Variants in PTPN14 observed in about 807,000 individuals in gnomAD.
PTPN14 encodes protein tyrosine phosphatase non-receptor type 14.
A neutral mutation model predicts 126.8 loss-of-function variants in PTPN14; 53 were observed. That is an observed-to-expected ratio of 0.42 (90% CI 0.34 to 0.53). PTPN14 has a LOEUF of 0.53. PTPN14 is among the 20% of genes least tolerant of loss of function. The pLI, the probability that PTPN14 is intolerant of heterozygous loss-of-function variation, is 0.08. For synonymous variants in PTPN14, 630 were observed against 599.3 expected, an observed-to-expected ratio of 1.05 and a Z score of -0.75; for missense variants, 1,257 against 1,552.9, an observed-to-expected ratio of 0.81 and a Z score of 3.20.
chr1:214,436,261 G>C (rs1188630827), intron 3 of PTPN14, among the ~76,000 whole-genome samples: 1 of 152,154 alleles, frequency 6.6e-6, no homozygotes, highest in Admixed American at 6.5e-5. Context: ...AGGGTGAGAG[G>C]AGGGTAAGGA....
At chr1:214,542,414 C>CA (rs1205282185) in intron 1 of PTPN14, among the ~76,000 whole-genome samples, 2 of 152,168 alleles carry the variant, frequency 1.3e-5, no homozygotes, top group African/African-American at 2.4e-5. Flanking sequence ...CGCGGGGGGG[C>CA]AGCCTCAGCC....
chr1:214,368,196 T>TTTTATTTATTTATTTATCTATTTA (rs1553258931), intron 17 of PTPN14, among the ~76,000 whole-genome samples: 123 of 146,322 alleles, frequency 8.4e-4, no homozygotes, highest in African/African-American at 2.7e-3. Context: ...TGTTATTCGT[T>TTTTATTTATTTATTTATCTATTTA]TTTATTTATT....
chr1:214,506,465 T>A (rs1654846397), intron 1 of PTPN14, among the ~76,000 whole-genome samples: 1 of 151,874 alleles, frequency 6.6e-6, no homozygotes, highest in African/African-American at 2.4e-5. Flanking sequence ...TGCAGTAAGT[T>A]GTGATGGTGC....
chr1:214,514,962 C>T (rs1044045922), intron 1 of PTPN14, among the ~76,000 whole-genome samples: 4 of 152,192 alleles, frequency 2.6e-5, no homozygotes, highest in Admixed American at 6.5e-5. Flanking sequence ...GGCAGCTCCC[C>T]TCCTGTAGCC....
Position 214,364,744 on chromosome 1 carries a change from G to T in PTPN14, c.3272-69C>A. On this transcript the variant is annotated intron_variant, in intron 17 of 18. Coordinates refer to ENST00000366956, the MANE Select transcript of PTPN14 (RefSeq NM_005401.5). The surrounding 1 kb of genome is among the most constrained non-coding windows in gnomAD (Gnocchi z 4.1). ...CTTCGCATGTAAGTTGGGGAGGGGG[G>T]AGCGGAAGAGAACTGATGGTGAGTG... The T allele has an allele frequency of 6.6e-7, 1 of 1,503,866 alleles. No individual in the cohort carries two copies. The highest frequency in any genetic ancestry group is 9.0e-7 in the Non-Finnish European group (1 of 1,105,208). 93.2% of individuals were successfully genotyped at this position (1,503,866 alleles called of 1,614,324 possible). A position where few individuals can be genotyped will look rare whatever the true frequency, so the allele number is the denominator to read the frequency against.
At chr1:214,498,526 C>T (rs1433650165) in intron 1 of PTPN14, among the ~76,000 whole-genome samples, 1 of 152,162 alleles carries the variant, frequency 6.6e-6, no homozygotes, top group Non-Finnish European at 1.5e-5. Context: ...GCCACATAAA[C>T]TTACCTAGCC....
intron 1 of PTPN14, among the ~76,000 whole-genome samples, chr1:214,535,532 C>G (rs1316723238): frequency 1.3e-5 from 2 of 152,142 alleles, no homozygotes; most frequent in African/African-American, 4.8e-5. Flanking sequence ...AATCCCAGAA[C>G]TTTGGGAGGC....
At chr1:214,519,861 C>T (rs958696762) in intron 1 of PTPN14, among the ~76,000 whole-genome samples, 3 of 151,400 alleles carry the variant, frequency 2.0e-5, no homozygotes, top group Non-Finnish European at 4.4e-5. Context: ...ACCACCTGGG[C>T]AACAAAGAAA....
intron 3 of PTPN14, among the ~76,000 whole-genome samples, chr1:214,446,207 G>C (rs962027677): frequency 1.3e-5 from 2 of 152,166 alleles, no homozygotes; most frequent in African/African-American, 2.4e-5. Flanking sequence ...GTCTACCAGA[G>C]TGTGTCCTTC....
intron 8 of PTPN14, 29 bp from the exon 9 acceptor site, chr1:214,395,015 C>T (rs373932436): frequency 3.2e-6 from 5 of 1,567,578 alleles, no homozygotes; most frequent in Non-Finnish European, 4.4e-6. Flanking sequence ...ACTGTGTTTA[C>T]TCAACAATGT....
chr1:214,422,443 G>C (rs1161202553), intron 3 of PTPN14, among the ~76,000 whole-genome samples: 1 of 152,072 alleles, frequency 6.6e-6, no homozygotes, highest in East Asian at 1.9e-4. Flanking sequence ...GTCAACTACG[G>C]AGCCTCATCC....
At chr1:214,540,501 A>G (rs968146588) in intron 1 of PTPN14, among the ~76,000 whole-genome samples, 2 of 152,210 alleles carry the variant, frequency 1.3e-5, no homozygotes, top group Non-Finnish European at 2.9e-5. Flanking sequence ...TCAGTGGGAC[A>G]CATCTGCCAC....
At chr1:214,434,886 A>G (rs1201715357) in intron 3 of PTPN14, among the ~76,000 whole-genome samples, 1 of 152,164 alleles carries the variant, frequency 6.6e-6, no homozygotes, top group Non-Finnish European at 1.5e-5. Context: ...CTGGTCAATA[A>G]TCATGTGACT....
intron 3 of PTPN14, among the ~76,000 whole-genome samples, chr1:214,448,369 T>TAC (rs1186175119): frequency 1.3e-5 from 2 of 151,422 alleles, no homozygotes; most frequent in Non-Finnish European, 2.9e-5. Context: ...TAGCTGGGAC[T>TAC]ACAGGTGCCC....
intron 1 of PTPN14, chr1:214,482,785 T>C (rs1661022925): frequency 4.4e-6 from 7 of 1,601,176 alleles, no homozygotes; most frequent in Non-Finnish European, 6.0e-6. Flanking sequence ...GGATTTTACC[T>C]GGGAGTGGCC....
chr1:214,353,452 G>A lies in PTPN14; in HGVS notation c.*4470C>T, dbSNP rs984020930. 6.6e-6 allele frequency: 1 copy of A among 152,168 alleles called. No individual in the cohort carries two copies. Among genetic ancestry groups the A allele is most frequent in the African/African-American group, 2.4e-5 (1 of 41,434 alleles). 9.4% of individuals were successfully genotyped at this position (152,168 alleles called of 1,614,324 possible). A position where few individuals can be genotyped will look rare whatever the true frequency, so the allele number is the denominator to read the frequency against. On this transcript the variant is annotated 3_prime_UTR_variant, in exon 19 of 19. Transcript: ENST00000366956. ...CAATCTGTACTTGGTTGAATATAGG[G>A]ATGTGGAACCCACAGATAGGGGTGG...
Position 214,378,050 on chromosome 1 carries a change from A to C in PTPN14, c.2597T>G (p.Met866Arg). Residue 866 changes from methionine to arginine, a missense_variant, in exon 14 of 19, where the codon ATG becomes AGG. By Grantham distance (91) the Met-to-Arg change is moderately conservative. Around this residue, in one of 3 missense-constraint regions of PTPN14, gnomAD observed 1,021 missense variants for 1,183.3 expected, o/e 0.86. Transcript: ENST00000366956. ...AGLEAQKRPL[M>R]LAALNGLSVA... The stretch of plus-strand genomic sequence containing the variant: ...CGAGAGCCCATTCAATGCTGCCAAC[A>C]TCAGCGGCCTCTTCTGTGCCTCCAG... 1 of 1,612,666 alleles carries C rather than the reference A, an allele frequency of 6.2e-7. No homozygotes were observed. Among genetic ancestry groups the C allele is most frequent in the South Asian group, 1.1e-5 (1 of 91,056 alleles).
At chr1:214,434,700 G>A (rs1448562997) in intron 3 of PTPN14, among the ~76,000 whole-genome samples, 3 of 152,132 alleles carry the variant, frequency 2.0e-5, no homozygotes, top group East Asian at 1.9e-4. Context: ...TGAAATTGGA[G>A]TCGCCCTGGA....
chr1:214,386,986 C>T (rs1658633686), intron 11 of PTPN14, 64 bp from the exon 12 acceptor site: 3 of 1,432,358 alleles, frequency 2.1e-6, no homozygotes, highest in Admixed American at 1.9e-5. Context: ...ACTCACACAG[C>T]CGGCCCAGGC....
Sources: allele counts gnomAD v4.1 joint callset (sites outside exome capture counted in the v4.1 genomes callset), GRCh38; gene constraint gnomAD v4.1.1; regional missense constraint gnomAD v4.1.1; non-coding constraint Gnocchi (gnomAD v3.1); transcripts MANE v1.5; gene names NCBI Gene and HGNC (gene_info 2026-07-23, HGNC 2026-07-21).